Variants in RPS6KC1 observed in about 807,000 individuals in gnomAD.
The protein encoded by RPS6KC1 is ribosomal protein S6 kinase C1.
In RPS6KC1, 54 loss-of-function variants were observed where a neutral mutation model predicts 103.8. That is an observed-to-expected ratio of 0.52 (90% confidence interval 0.42 to 0.65). The LOEUF (loss-of-function observed/expected upper bound fraction) is 0.65, where lower values mean the gene tolerates loss of function less well. Ranked by LOEUF, RPS6KC1 falls within the 30% of genes least tolerant of loss-of-function variation. The pLI, the probability that RPS6KC1 is intolerant of heterozygous loss-of-function variation, is 0.00. For synonymous variants in RPS6KC1, 439 were observed against 438.7 expected, an observed-to-expected ratio of 1.00 and a Z score of -0.01; for missense variants, 1,151 against 1,253.8, an observed-to-expected ratio of 0.92 and a Z score of 1.24.
At chr1:213,416,131 C>T in the RPS6KC1 span, among the ~76,000 whole-genome samples, 2 of 152,172 alleles carry the variant, frequency 1.3e-5, no homozygotes, top group Non-Finnish European at 2.9e-5. Flanking sequence ...CCCAGGCTCC[C>T]ACGCATGCAC....
the RPS6KC1 span, among the ~76,000 whole-genome samples, chr1:213,539,365 A>G: frequency 6.6e-6 from 1 of 152,200 alleles, no homozygotes; most frequent in Non-Finnish European, 1.5e-5. Flanking sequence ...AGGGAAATTA[A>G]CATCCCTCTC....
chr1:213,378,067 C>T, the RPS6KC1 span, among the ~76,000 whole-genome samples: 1 of 152,200 alleles, frequency 6.6e-6, no homozygotes. Context: ...CTCTGAGGGC[C>T]CTCCACCCAG....
chr1:213,795,135 G>A, the RPS6KC1 span, among the ~76,000 whole-genome samples: 1 of 152,190 alleles, frequency 6.6e-6, no homozygotes, highest in Non-Finnish European at 1.5e-5. Flanking sequence ...ATATATGTGT[G>A]TATGTTTTAG....
At chr1:213,747,537 G>T in the RPS6KC1 span, among the ~76,000 whole-genome samples, 2 of 152,160 alleles carry the variant, frequency 1.3e-5, no homozygotes, top group African/African-American at 4.8e-5. Flanking sequence ...GCTTGGTTTT[G>T]TCTGGTTTAG....
the RPS6KC1 span, among the ~76,000 whole-genome samples, chr1:213,533,118 T>C: frequency 1.3e-5 from 2 of 151,940 alleles, no homozygotes; most frequent in African/African-American, 4.8e-5. Flanking sequence ...CCTGAGAAAT[T>C]AGGAAACGGT....
At chr1:213,287,319 G>A in the RPS6KC1 span, among the ~76,000 whole-genome samples, 74 of 151,908 alleles carry the variant, frequency 4.9e-4, no homozygotes, top group African/African-American at 1.8e-3. Context: ...GCTGGCTATC[G>A]TGTCCATTTA....
chr1:213,618,157 T>A, the RPS6KC1 span, among the ~76,000 whole-genome samples: 1 of 152,240 alleles, frequency 6.6e-6, no homozygotes, highest in African/African-American at 2.4e-5. Flanking sequence ...AAAAGGTGTT[T>A]CTTTATTTGA....
the RPS6KC1 span, among the ~76,000 whole-genome samples, chr1:213,764,712 G>C: frequency 6.6e-6 from 1 of 152,118 alleles, no homozygotes; most frequent in African/African-American, 2.4e-5. Context: ...GCAACCCCAG[G>C]TGCAAGCTGG....
At chr1:213,564,884 C>G in the RPS6KC1 span, among the ~76,000 whole-genome samples, 1 of 152,192 alleles carries the variant, frequency 6.6e-6, no homozygotes, top group Non-Finnish European at 1.5e-5. Context: ...GCTTTAGTCT[C>G]CATACTGGAC....
intron 12 of RPS6KC1, among the ~76,000 whole-genome samples, chr1:213,258,683 A>C (rs1319169705): frequency 6.6e-6 from 1 of 152,232 alleles, no homozygotes; most frequent in East Asian, 1.9e-4. Flanking sequence ...TTGAGCAGGG[A>C]AATGATGTCA....
At chr1:213,079,093 A>G (rs2148542958) in intron 3 of RPS6KC1, among the ~76,000 whole-genome samples, 1 of 152,228 alleles carries the variant, frequency 6.6e-6, no homozygotes, top group South Asian at 2.1e-4. Context: ...TTTTTATATG[A>G]CAGTATATTA....
chr1:213,485,962 C>T, the RPS6KC1 span, among the ~76,000 whole-genome samples: 6 of 152,172 alleles, frequency 3.9e-5, no homozygotes, highest in Non-Finnish European at 8.8e-5. Flanking sequence ...CACCCTTCTG[C>T]TTCCTCTGCT....
chr1:213,181,362 G>T (rs1451339042), intron 8 of RPS6KC1, among the ~76,000 whole-genome samples: 2 of 152,246 alleles, frequency 1.3e-5, no homozygotes, highest in East Asian at 3.8e-4. Context: ...TAGGTCAGAT[G>T]CCTTCACATT....
intron 4 of RPS6KC1, among the ~76,000 whole-genome samples, chr1:213,113,734 G>T (rs1316572626): frequency 6.6e-6 from 1 of 152,160 alleles, no homozygotes; most frequent in African/African-American, 2.4e-5. Context: ...ATTGATTTCT[G>T]TATGAGGTGT....
At chr1:213,376,243 A>T in the RPS6KC1 span, among the ~76,000 whole-genome samples, 2 of 152,158 alleles carry the variant, frequency 1.3e-5, no homozygotes, top group Non-Finnish European at 2.9e-5. Flanking sequence ...ATTAAACTGT[A>T]TGTAAATGAA....
chr1:213,572,194 AG>A, the RPS6KC1 span, among the ~76,000 whole-genome samples: 1 of 152,206 alleles, frequency 6.6e-6, no homozygotes, highest in African/African-American at 2.4e-5. Flanking sequence ...GAGGTCTCGG[AG>A]GCCAAGCCCC....
chr1:213,769,667 T>C, the RPS6KC1 span, among the ~76,000 whole-genome samples: 5 of 151,998 alleles, frequency 3.3e-5, no homozygotes, highest in Admixed American at 6.5e-5. Context: ...GGAGAAGTCC[T>C]TTTGGAAAAG....
chr1:213,649,815 G>T, the RPS6KC1 span, among the ~76,000 whole-genome samples: 1 of 152,192 alleles, frequency 6.6e-6, no homozygotes, highest in African/African-American at 2.4e-5. Context: ...GGGAGCAAAT[G>T]AAGCTTGTAC....
At chr1:213,186,455 T>C (rs2092537085) in intron 8 of RPS6KC1, among the ~76,000 whole-genome samples, 1 of 152,216 alleles carries the variant, frequency 6.6e-6, no homozygotes, top group Non-Finnish European at 1.5e-5. Context: ...TGTCAGACAA[T>C]GTGGAGGTCC....
Sources: gnomAD v4.1 joint callset for allele counts (sites outside exome capture counted in the v4.1 genomes callset) on GRCh38, gnomAD v4.1.1 for gene constraint, MANE v1.5 for transcripts, NCBI Gene and HGNC (gene_info 2026-07-23, HGNC 2026-07-21) for gene names.